The following RICTOR variants were observed in gnomAD, a reference collection of about 807,000 sequenced individuals.
RICTOR encodes the protein rapamycin-insensitive companion of mTOR.
A neutral mutation model predicts 214.9 loss-of-function variants in RICTOR; 49 were observed. The ratio of observed to expected loss-of-function variants is 0.23; its 90% CI spans 0.18 to 0.29. The LOEUF (loss-of-function observed/expected upper bound fraction) is 0.29, where lower values mean the gene tolerates loss of function less well. Among genes scored for constraint, RICTOR ranks in the 10% least tolerant of loss-of-function variants. RICTOR has a pLI of 1.00. For synonymous variants in RICTOR, 717 were observed against 711.3 expected, an observed-to-expected ratio of 1.01 and a Z score of -0.13; for missense variants, 1,625 against 2,047.0, an observed-to-expected ratio of 0.79 and a Z score of 3.98.
At chr5:38,984,414 T>C (rs1234812318) in intron 7 of RICTOR, among the ~76,000 whole-genome samples, 3 of 152,310 alleles carry the variant, frequency 2.0e-5, no homozygotes, top group Middle Eastern at 3.4e-3. Flanking sequence ...TTTTCTTCTT[T>C]TGGTATTTCT....
intron 2 of RICTOR, among the ~76,000 whole-genome samples, chr5:39,060,754 C>T (rs1758488768): frequency 6.6e-6 from 1 of 151,976 alleles, no homozygotes; most frequent in South Asian, 2.1e-4. Context: ...CAAATCAATA[C>T]TCTACAATAC....
At position 38,955,718 on chromosome 5, in the gene RICTOR, T is replaced by C. The variant is rs1228257463; in HGVS notation, c.2500-14A>G. ...GGAGTTGTATTCCTAGAGGATAATA[T>C]TGTTTTAATTGCACATAGTATCACA... On this transcript the variant is annotated splice_polypyrimidine_tract_variant and intron_variant, in intron 25 of 37. Transcript: ENST00000357387. 7.5e-7 allele frequency: 1 copy of C among 1,337,918 alleles called. No individual in the cohort carries two copies. Among genetic ancestry groups the C allele is most frequent in the Non-Finnish European group, 1.1e-6 (1 of 928,088 alleles). 82.9% of individuals were successfully genotyped at this position (1,337,918 alleles called of 1,614,324 possible).
In RICTOR at chr5:38,953,445, A is replaced by C. The variant is rs1351967778; in HGVS notation, c.2790+16T>G. 1 of 1,149,428 alleles carries C rather than the reference A, an allele frequency of 8.7e-7. No homozygotes were observed. Among genetic ancestry groups the C allele is most frequent in the Non-Finnish European group, 1.2e-6 (1 of 818,440 alleles). 71.2% of individuals were successfully genotyped at this position (1,149,428 alleles called of 1,614,324 possible). On this transcript the variant is annotated intron_variant, in intron 28 of 37. Transcript: ENST00000357387. The stretch of plus-strand genomic sequence containing the variant: ...CTAAAAATTGCGAAGATCTTACAGA[A>C]GTGTTTATTACAAACCAAGGCCCAA...
At position 38,940,743 on chromosome 5, in the gene RICTOR, T is replaced by C; in HGVS notation, c.*1561A>G. ...GTGAGATGAAATGCTTCATCCCAAC[T>C]GGAACTTTCAGTTCCAGTAAATAAA... On this transcript the variant is annotated 3_prime_UTR_variant, in exon 38 of 38. Coordinates refer to ENST00000357387, the MANE Select transcript of RICTOR (RefSeq NM_152756.5). 1 of 232,566 alleles carries C rather than the reference T, an allele frequency of 4.3e-6. No homozygotes were observed. Among genetic ancestry groups the C allele is most frequent in the Non-Finnish European group, 8.5e-6 (1 of 117,400 alleles). 14.4% of individuals were successfully genotyped at this position (232,566 alleles called of 1,614,324 possible).
intron 8 of RICTOR, among the ~76,000 whole-genome samples, chr5:38,979,508 A>G (rs1465410874): frequency 1.3e-5 from 2 of 152,092 alleles, no homozygotes; most frequent in East Asian, 3.9e-4. Flanking sequence ...TTTTCCTTTT[A>G]ACTGAGGATT....
At position 38,953,547 on chromosome 5, in the gene RICTOR, TA is replaced by T; in HGVS notation, c.2703del (p.Ile902LeufsTer22). The T allele has an allele frequency of 7.8e-7, 1 of 1,274,916 alleles. No homozygotes were observed. Among genetic ancestry groups the T allele is most frequent in the South Asian group, 1.9e-5 (1 of 53,376 alleles). The allele number at this position is 1,274,916 out of a possible 1,614,324, so 79.0% of individuals were successfully genotyped here. ...TGCHLLEVQN[I>X]ITELCRNVRT... ...CGAACATTACGACAGAGTTCTGTAA[TA>T]ATATTCTGGAGAAAGAAAAAAAAAT... is the stretch of plus-strand genomic sequence containing the variant. On this transcript the variant is annotated frameshift_variant, in exon 28 of 38. Coordinates refer to ENST00000357387, the MANE Select transcript of RICTOR (RefSeq NM_152756.5). LOFTEE classifies it high-confidence loss of function.
intron 3 of RICTOR, among the ~76,000 whole-genome samples, chr5:39,018,495 T>A (rs983660838): frequency 6.6e-6 from 1 of 152,156 alleles, no homozygotes; most frequent in Non-Finnish European, 1.5e-5. Flanking sequence ...TCCAAAAGCA[T>A]GCGCTCACTT....
rs745465427 is a variant in RICTOR at position 39,074,165 on chromosome 5, G to A, written c.50-7C>T. 3 of 1,589,382 alleles carry A rather than the reference G, an allele frequency of 1.9e-6. No homozygotes were observed. The highest frequency in any genetic ancestry group is 2.3e-5 in the South Asian group (2 of 88,578). On this transcript the variant is annotated splice_polypyrimidine_tract_variant and splice_region_variant and intron_variant, in intron 1 of 37. Coordinates refer to ENST00000357387, the MANE Select transcript of RICTOR (RefSeq NM_152756.5). ...TCGCCGCTGTCATTCCGCCCTGCGC[G>A]AAACAGACACACAGCCCCAATTAGG...
At chr5:39,038,574 T>C (rs1412747636) in intron 2 of RICTOR, among the ~76,000 whole-genome samples, 10 of 152,300 alleles carry the variant, frequency 6.6e-5, no homozygotes, top group East Asian at 5.8e-4. Context: ...GAAAACCCCA[T>C]TGTCTCAGCC....
Position 38,953,065 on chromosome 5 carries a change from AC to A in RICTOR, c.2816del (p.Gly939ValfsTer10). On this transcript the variant is annotated frameshift_variant, in exon 29 of 38. Transcript: ENST00000357387. LOFTEE classifies it high-confidence loss of function. ...ALGNIGSSNWGLNLLQEENVI... is the reference protein window; with the variant it reads ...ALGNIGSSNWXLNLLQEENVI... ...CGTTTTCTTCCTGTAGCAAATTGAG[AC>A]CCCAATTTGATGAGCCGATATTTCC... 6.2e-7 allele frequency: 1 copy of A among 1,607,260 alleles called. No individual in the cohort carries two copies. The highest frequency in any genetic ancestry group is 8.5e-7 in the Non-Finnish European group (1 of 1,175,132).
Position 38,982,159 on chromosome 5 carries a change from A to C in RICTOR, c.584-123T>G, listed in dbSNP as rs1751763592. ...ACTTTCTAATACCAACATTTATAAG[A>C]ACAGGTAGATAAAAGGACAAGTGGA... is the stretch of plus-strand genomic sequence containing the variant. On this transcript the variant is annotated intron_variant, in intron 7 of 37. Coordinates refer to ENST00000357387, the MANE Select transcript of RICTOR (RefSeq NM_152756.5). The C allele has an allele frequency of 7.8e-6, 5 of 643,380 alleles. No individual in the cohort carries two copies. In the East Asian group the frequency reaches 1.1e-4, roughly 14 times the overall value. 39.9% of individuals were successfully genotyped at this position (643,380 alleles called of 1,614,324 possible).
At chr5:39,023,141 GGCGGATTTCTTATCCAAAACA>G (rs2150138767) in intron 2 of RICTOR, among the ~76,000 whole-genome samples, 1 of 151,396 alleles carries the variant, frequency 6.6e-6, no homozygotes, top group African/African-American at 2.4e-5. Flanking sequence ...AAAGGATAAC[GGCGGATTTCTTATCCAAAACA>G]GGGCAAAACA....
At chr5:39,056,391 T>C (rs1425212620) in intron 2 of RICTOR, among the ~76,000 whole-genome samples, 2 of 152,158 alleles carry the variant, frequency 1.3e-5, no homozygotes, top group Non-Finnish European at 2.9e-5. Context: ...CCCAGCACTT[T>C]TGGGGGGCCA....
intron 2 of RICTOR, among the ~76,000 whole-genome samples, chr5:39,066,476 T>C (rs1758914334): frequency 6.6e-6 from 1 of 152,250 alleles, no homozygotes; most frequent in Admixed American, 6.5e-5. Context: ...ATCAGCACTT[T>C]GGCATGTGTT....
intron 2 of RICTOR, among the ~76,000 whole-genome samples, chr5:39,041,605 G>C (rs1415387749): frequency 6.6e-6 from 1 of 152,062 alleles, no homozygotes; most frequent in Non-Finnish European, 1.5e-5. Context: ...AAAAGATAGA[G>C]GGCAGAATCA....
intron 2 of RICTOR, among the ~76,000 whole-genome samples, chr5:39,040,913 G>A (rs949705702): frequency 6.6e-6 from 1 of 152,116 alleles, no homozygotes; most frequent in Non-Finnish European, 1.5e-5. Flanking sequence ...AAAAAAGAGG[G>A]ACATAAATGT....
chr5:38,996,750 T>A, intron 6 of RICTOR, 69 bp downstream of exon 6: 1 of 914,400 alleles, frequency 1.1e-6, no homozygotes, highest in African/African-American at 1.7e-5. Context: ...CACAAAAGTC[T>A]AATCTAAAAA....
chr5:39,058,602 A>C (rs563695314), intron 2 of RICTOR, among the ~76,000 whole-genome samples: 1 of 152,266 alleles, frequency 6.6e-6, no homozygotes, highest in South Asian at 2.1e-4. Context: ...TTCAAGGAGA[A>C]GGATCTCTAT....
At position 39,034,251 on chromosome 5, in the gene RICTOR, T is replaced by C. The variant is rs1404788561; in HGVS notation, c.98-13115A>G. Among the ~76,000 whole-genome samples, 4 of 152,352 alleles carry C rather than the reference T, an allele frequency of 2.6e-5. No individual in the cohort carries two copies. In the East Asian group the frequency reaches 5.8e-4, roughly 22 times the overall value. ...ATATAGATGAGGATCAATCTAGGTATAGAACACTAACAGAAAGTGAGCTAG... is the reference window on the plus strand; with the variant it reads ...ATATAGATGAGGATCAATCTAGGTACAGAACACTAACAGAAAGTGAGCTAG... On this transcript the variant is annotated intron_variant, in intron 2 of 37. Transcript: ENST00000357387.
Sources: gnomAD v4.1 joint callset for allele counts (sites outside exome capture counted in the v4.1 genomes callset) on GRCh38, gnomAD v4.1.1 for gene constraint, MANE v1.5 for transcripts, NCBI Gene and HGNC (gene_info 2026-07-23, HGNC 2026-07-21) for gene names.